MYT1L: variants seen among roughly 807,000 people sequenced by gnomAD.
MYT1L encodes myelin transcription factor 1 like, also known as myelin transcription factor 1-like protein.
In MYT1L, 12 loss-of-function variants were observed where a neutral mutation model predicts 126.7. The ratio of observed to expected loss-of-function variants is 0.09; its 90% confidence interval spans 0.06 to 0.15. The LOEUF (loss-of-function observed/expected upper bound fraction) is 0.15. Ranked by LOEUF, MYT1L falls within the 10% of genes least tolerant of loss-of-function variation. The pLI, the probability that MYT1L is intolerant of heterozygous loss-of-function variation, is 1.00. For missense variants in MYT1L, 979 were observed against 1,585.2 expected (o/e 0.62, Z 6.49); for synonymous variants, 541 against 604.2 (o/e 0.90, Z 1.53).
At chr2:2,192,758 TG>T (rs972593127) in intron 2 of MYT1L, among the ~76,000 whole-genome samples, 14 of 152,044 alleles carry the variant, frequency 9.2e-5, no homozygotes, top group African/African-American at 3.4e-4. Flanking sequence ...GGACTGCAAT[TG>T]GGGGACGGTG....
chr2:2,251,405 C>T (rs1004211725), intron 2 of MYT1L, among the ~76,000 whole-genome samples: 11 of 152,156 alleles, frequency 7.2e-5, no homozygotes, highest in Admixed American at 3.9e-4. Flanking sequence ...TCAGGGTTTC[C>T]GCCCGTGAAT....
At chr2:1,930,102 AC>A (rs2054754019) in intron 9 of MYT1L, among the ~76,000 whole-genome samples, 1 of 152,166 alleles carries the variant, frequency 6.6e-6, no homozygotes, top group Admixed American at 6.5e-5. Flanking sequence ...CTCAAGAAGA[AC>A]CCTTCCTCAG....
At chr2:2,031,329 T>C (rs960760831) in intron 4 of MYT1L, among the ~76,000 whole-genome samples, 5 of 152,134 alleles carry the variant, frequency 3.3e-5, no homozygotes, top group Non-Finnish European at 5.9e-5. Flanking sequence ...TGAAGTGGGT[T>C]TTCCCATGGT....
At chr2:2,091,708 T>C (rs1423000053) in intron 3 of MYT1L, among the ~76,000 whole-genome samples, 7 of 152,246 alleles carry the variant, frequency 4.6e-5, no homozygotes. Context: ...TGAAAATCTG[T>C]TGTTAATGTA....
At chr2:2,125,700 G>A (rs1176204818) in intron 3 of MYT1L, among the ~76,000 whole-genome samples, 1 of 152,110 alleles carries the variant, frequency 6.6e-6, no homozygotes, top group African/African-American at 2.4e-5. Context: ...TGAGTATAGT[G>A]CAATGGCATT....
intron 8 of MYT1L, among the ~76,000 whole-genome samples, chr2:1,967,459 T>A (rs1490863008): frequency 1.3e-5 from 2 of 152,216 alleles, no homozygotes; most frequent in Non-Finnish European, 1.5e-5. Flanking sequence ...GGGCCCTGAC[T>A]CACTGGTTCA....
chr2:2,263,824 A>C (rs1252351601), intron 2 of MYT1L, among the ~76,000 whole-genome samples: 1 of 152,156 alleles, frequency 6.6e-6, no homozygotes, highest in Non-Finnish European at 1.5e-5. Flanking sequence ...TGATGTTTGC[A>C]TCTTGGGTTC....
chr2:1,963,012 T>G (rs2059082413), intron 8 of MYT1L, among the ~76,000 whole-genome samples: 1 of 152,240 alleles, frequency 6.6e-6, no homozygotes, highest in Non-Finnish European at 1.5e-5. Context: ...CAATTTACTA[T>G]GTCCAGGTCC....
intron 9 of MYT1L, among the ~76,000 whole-genome samples, chr2:1,925,934 A>G (rs536997120): frequency 6.6e-6 from 1 of 152,270 alleles, no homozygotes; most frequent in East Asian, 1.9e-4. Context: ...TATGCCTCCT[A>G]AAGACTGCAG....
At chr2:1,847,782 C>G (rs62114687) in intron 19 of MYT1L, among the ~76,000 whole-genome samples, 8,429 of 152,208 alleles carry the variant, frequency 0.055, 254 homozygotes, top group South Asian at 0.099. Context: ...TCACTGAGGA[C>G]GGAGAGTCGG....
At chr2:1,875,382 G>T (rs1482953428) in intron 18 of MYT1L, among the ~76,000 whole-genome samples, 2 of 152,210 alleles carry the variant, frequency 1.3e-5, no homozygotes, top group Non-Finnish European at 2.9e-5. Context: ...GGCCAAGAGG[G>T]AAGGGCGTGA....
Position 1,789,916 on chromosome 2 carries a change from C to T in MYT1L, c.*1951G>A, listed in dbSNP as rs891300927. ...TAAAGTCCTTGTGGAAAACTGTAAG[C>T]TTTTGTACAGTGAACAGTATAAAGT... is the stretch of plus-strand genomic sequence containing the variant. On this transcript the variant is annotated 3_prime_UTR_variant, in exon 25 of 25. Transcript: ENST00000647738. The T allele has an allele frequency of 2.0e-5, 3 of 152,234 alleles. No individual in the cohort carries two copies. The highest frequency in any genetic ancestry group is 4.8e-5 in the African/African-American group (2 of 41,456). 9.4% of individuals were successfully genotyped at this position (152,234 alleles called of 1,614,324 possible).
chr2:2,323,378 T>C (rs1055716349), intron 1 of MYT1L, among the ~76,000 whole-genome samples: 1 of 152,114 alleles, frequency 6.6e-6, no homozygotes, highest in African/African-American at 2.4e-5. Flanking sequence ...TATTCAGGAA[T>C]CTATAAAAAG....
At chr2:2,021,701 T>C (rs919093863) in intron 4 of MYT1L, among the ~76,000 whole-genome samples, 16 of 152,248 alleles carry the variant, frequency 1.1e-4, no homozygotes, top group African/African-American at 3.9e-4. Context: ...ATTGAGACCA[T>C]CCTGGCTAAC....
intron 1 of MYT1L, among the ~76,000 whole-genome samples, chr2:2,304,312 A>T (rs2095829414): frequency 6.6e-6 from 1 of 152,194 alleles, no homozygotes; most frequent in South Asian, 2.1e-4. Context: ...TTATGTAACT[A>T]TGGTAGGTAA....
intron 3 of MYT1L, among the ~76,000 whole-genome samples, chr2:2,140,524 TC>T (rs2083811854): frequency 7.0e-6 from 1 of 143,372 alleles, no homozygotes; most frequent in South Asian, 2.4e-4. Context: ...AACCTCCGCC[TC>T]CCTGGTTCAA....
intron 2 of MYT1L, among the ~76,000 whole-genome samples, chr2:2,240,070 G>A (rs1013288932): frequency 2.0e-5 from 3 of 152,070 alleles, no homozygotes; most frequent in African/African-American, 7.2e-5. Context: ...GGCCGAGGTG[G>A]GCAGATCACC....
intron 22 of MYT1L, among the ~76,000 whole-genome samples, chr2:1,808,101 C>T (rs2036000397): frequency 6.6e-6 from 1 of 152,204 alleles, no homozygotes; most frequent in Admixed American, 6.5e-5. Flanking sequence ...CCTCCCCAGC[C>T]ATGTGGAGCT....
At chr2:1,840,153 T>C (rs1005211804) in intron 20 of MYT1L, among the ~76,000 whole-genome samples, 1 of 152,268 alleles carries the variant, frequency 6.6e-6, no homozygotes, top group Non-Finnish European at 1.5e-5. Context: ...GAATAATTTA[T>C]GCTTTAATTC....
Sources: allele counts gnomAD v4.1 joint callset (sites outside exome capture counted in the v4.1 genomes callset), GRCh38; gene constraint gnomAD v4.1.1; transcripts MANE v1.5; gene names NCBI Gene and HGNC (gene_info 2026-07-23, HGNC 2026-07-21).